KIAA1217: variants seen among roughly 807,000 people sequenced by gnomAD.
The protein encoded by KIAA1217 is sickle tail protein homolog.
In KIAA1217, 88 loss-of-function variants were observed where a neutral mutation model predicts 163.9. The observed-to-expected ratio is 0.54, with a 90% CI of 0.45 to 0.64. The LOEUF (loss-of-function observed/expected upper bound fraction) is 0.64. KIAA1217 is among the 30% of genes least tolerant of loss of function. The pLI is 0.00. For synonymous variants in KIAA1217, 903 were observed against 923.1 expected, an observed-to-expected ratio of 0.98 and a Z score of 0.39; for missense variants, 2,372 against 2,475.0, an observed-to-expected ratio of 0.96 and a Z score of 0.88.
intron 1 of KIAA1217, among the ~76,000 whole-genome samples, chr10:23,824,630 A>T (rs1588893749): frequency 3.8e-5 from 1 of 26,336 alleles, no homozygotes; most frequent in African/African-American, 2.4e-4. Context: ...CTCTGTCTCA[A>T]GAAAAAAAAA....
At chr10:24,124,569 C>T (rs2063399112) in intron 2 of KIAA1217, among the ~76,000 whole-genome samples, 2 of 152,096 alleles carry the variant, frequency 1.3e-5, no homozygotes, top group Non-Finnish European at 1.5e-5. Context: ...ATGGTATTCT[C>T]TTAGCATATG....
At chr10:24,521,971 G>C (rs767216978) in intron 12 of KIAA1217, 42 bp downstream of exon 12, 7 of 1,583,254 alleles carry the variant, frequency 4.4e-6, no homozygotes, top group African/African-American at 1.3e-5. Flanking sequence ...CTGCGGAGGG[G>C]TGCACTGGGA....
intron 13 of KIAA1217, 140 bp from the exon 14 acceptor site, chr10:24,527,796 C>T (rs1592681312): frequency 3.4e-6 from 2 of 580,734 alleles, no homozygotes; most frequent in Non-Finnish European, 6.0e-6. Context: ...TTTCATCACC[C>T]AGGTCTTAAG....
intron 2 of KIAA1217, among the ~76,000 whole-genome samples, chr10:24,310,646 G>A (rs1181810686): frequency 6.6e-6 from 1 of 152,196 alleles, no homozygotes; most frequent in Non-Finnish European, 1.5e-5. Context: ...GGAGTTCAGG[G>A]ACCTTGCTCC....
intron 1 of KIAA1217, among the ~76,000 whole-genome samples, chr10:23,928,957 A>G (rs1478739177): frequency 6.6e-6 from 1 of 152,110 alleles, no homozygotes; most frequent in African/African-American, 2.4e-5. Context: ...CAACTATGCA[A>G]AGGTCTAGAC....
intron 3 of KIAA1217, among the ~76,000 whole-genome samples, chr10:24,402,846 C>T (rs1334271033): frequency 6.6e-6 from 1 of 152,076 alleles, no homozygotes; most frequent in African/African-American, 2.4e-5. Context: ...TGAAGGAGAT[C>T]CAGTCTGGGC....
chr10:24,422,161 G>A (rs1819489274), intron 3 of KIAA1217, among the ~76,000 whole-genome samples: 1 of 152,096 alleles, frequency 6.6e-6, no homozygotes, highest in African/African-American at 2.4e-5. Flanking sequence ...CACAAGAACA[G>A]CATGGGAAAG....
intron 2 of KIAA1217, among the ~76,000 whole-genome samples, chr10:24,333,633 G>A (rs2045970392): frequency 6.6e-6 from 1 of 152,174 alleles, no homozygotes; most frequent in Non-Finnish European, 1.5e-5. Flanking sequence ...AGAAGATCTT[G>A]TAGGTATAAA....
At chr10:23,946,913 G>T (rs1453002390) in intron 1 of KIAA1217, among the ~76,000 whole-genome samples, 1 of 152,116 alleles carries the variant, frequency 6.6e-6, no homozygotes, top group Non-Finnish European at 1.5e-5. Flanking sequence ...TCGTGGGAGG[G>T]ACCCAGTGGG....
rs117197997 is a variant in KIAA1217 at position 23,901,465 on chromosome 10, A to G, written c.-320-105760A>G. On this transcript the variant is annotated intron_variant, in intron 1 of 18. Transcript: ENST00000376462. Reference sequence around the variant, plus strand: ...CAAGAAAAAATGCCTGTGGCCAAGAACACAACCATAAGAAAATGTGTAAAA... The same window carrying G: ...CAAGAAAAAATGCCTGTGGCCAAGAGCACAACCATAAGAAAATGTGTAAAA... Among the ~76,000 whole-genome samples, 1,439 of 152,266 alleles carry G rather than the reference A, an allele frequency of 9.5e-3. 13 individuals carry two copies. The highest frequency in any genetic ancestry group is 0.016 in the Admixed American group (242 of 15,288).
intron 1 of KIAA1217, among the ~76,000 whole-genome samples, chr10:23,883,251 C>A (rs1459380406): frequency 6.6e-6 from 1 of 151,904 alleles, no homozygotes; most frequent in Non-Finnish European, 1.5e-5. Flanking sequence ...CTAACTCACT[C>A]TTTACCTTGG....
In KIAA1217 at chr10:23,934,618, TA is replaced by T. The variant is rs1232565361; in HGVS notation, c.-320-72606del. ...ATATATATATATATGTATATATATATATATATATTTTTTTTTTGAGACGGAG... is the reference window on the plus strand; with the variant it reads ...ATATATATATATATGTATATATATATTATATATTTTTTTTTTGAGACGGAG... On this transcript the variant is annotated intron_variant, in intron 1 of 18. Coordinates refer to the KIAA1217 transcript ENST00000376462. Among the ~76,000 whole-genome samples, 8 of 91,746 alleles carry T rather than the reference TA, an allele frequency of 8.7e-5. 1 individual carries two copies. Among genetic ancestry groups the T allele is most frequent in the African/African-American group, 6.7e-4 (7 of 10,428 alleles). The allele number at this position is 91,746 out of a possible 152,430, so 60.2% of individuals were successfully genotyped here.
rs141031834 is a variant in KIAA1217, at chr10:24,243,890, G to A, written c.354+23981G>A. On this transcript the variant is annotated intron_variant, in intron 2 of 20. Coordinates refer to ENST00000376454, the MANE Select transcript of KIAA1217 (RefSeq NM_019590.5). ...TTTTATTACACTTAATTGTCGTAGC[G>A]TTCAGAGATTATCTTTGATCAATAA... 1.4e-3 allele frequency among the ~76,000 whole-genome samples: 212 copies of A among 152,164 alleles called. 2 individuals are homozygous for A. The highest frequency in any genetic ancestry group is 4.8e-3 in the African/African-American group (200 of 41,518).
intron 1 of KIAA1217, among the ~76,000 whole-genome samples, chr10:23,749,831 C>A (rs1490566091): frequency 6.6e-6 from 1 of 152,170 alleles, no homozygotes; most frequent in African/African-American, 2.4e-5. Flanking sequence ...CTTGTGAGGT[C>A]CAGACAGTTA....
chr10:24,087,475 A>G (rs1181763636), intron 2 of KIAA1217, among the ~76,000 whole-genome samples: 1 of 152,210 alleles, frequency 6.6e-6, no homozygotes, highest in Non-Finnish European at 1.5e-5. Context: ...GGGCCCAAAT[A>G]CATGAGGTTT....
In KIAA1217 at chr10:24,279,105, A is replaced by G. The variant is rs142860583; in HGVS notation, c.354+59196A>G. On this transcript the variant is annotated intron_variant, in intron 2 of 20. Transcript: ENST00000376454. ...TCCGCACATCTTGGCCTCCCAAAGTACTGGGATTGCAGGCATAAGCCACCA... is the reference window on the plus strand; with the variant it reads ...TCCGCACATCTTGGCCTCCCAAAGTGCTGGGATTGCAGGCATAAGCCACCA... 1.3e-3 allele frequency among the ~76,000 whole-genome samples: 204 copies of G among 152,160 alleles called. 2 individuals carry two copies. Among genetic ancestry groups the G allele is most frequent in the African/African-American group, 4.4e-3 (183 of 41,526 alleles).
chr10:23,962,634 C>A (rs1476561573), intron 1 of KIAA1217, among the ~76,000 whole-genome samples: 1 of 152,170 alleles, frequency 6.6e-6, no homozygotes, highest in Non-Finnish European at 1.5e-5. Context: ...TGACCCTACC[C>A]CGTATCCCAC....
At chr10:24,057,189 G>A (rs778406030) in intron 2 of KIAA1217, among the ~76,000 whole-genome samples, 5 of 152,204 alleles carry the variant, frequency 3.3e-5, no homozygotes. Flanking sequence ...GGAGGCTGCA[G>A]TGAACCATGA....
intron 1 of KIAA1217, among the ~76,000 whole-genome samples, chr10:24,217,837 T>C (rs987705220): frequency 5.9e-5 from 9 of 152,226 alleles, no homozygotes; most frequent in African/African-American, 1.7e-4. Flanking sequence ...TGGAAACTTA[T>C]TTTTAAAAAA....
Sources: gnomAD v4.1 joint callset for allele counts (sites outside exome capture counted in the v4.1 genomes callset) on GRCh38, gnomAD v4.1.1 for gene constraint, MANE v1.5 for transcripts, NCBI Gene and HGNC (gene_info 2026-07-23, HGNC 2026-07-21) for gene names.